The following CDH12 variants were observed in gnomAD, a reference collection of about 807,000 sequenced individuals.
CDH12 encodes cadherin-12.
CDH12 carries 41 observed loss-of-function variants against 74.1 expected under a neutral mutation model. That is an observed-to-expected ratio of 0.55 (90% CI 0.43 to 0.72). The LOEUF is 0.72. Among genes scored for constraint, CDH12 ranks in the 30% least tolerant of loss-of-function variants. The pLI is 0.00. For missense variants in CDH12, 945 were observed against 977.2 expected (o/e 0.97, Z 0.44); for synonymous variants, 399 against 355.0 (o/e 1.12, Z -1.39).
chr5:21,930,324 G>A (rs1319397082), intron 6 of CDH12, among the ~76,000 whole-genome samples: 3 of 152,170 alleles, frequency 2.0e-5, no homozygotes, highest in Non-Finnish European at 4.4e-5. Context: ...GATTGTGGAG[G>A]AAACTTTTCT....
chr5:22,605,938 G>C (rs980276266), intron 1 of CDH12, among the ~76,000 whole-genome samples: 6 of 152,208 alleles, frequency 3.9e-5, no homozygotes, highest in African/African-American at 1.4e-4. Context: ...TGACCTGCAA[G>C]AGCAGCATCT....
rs554492965 is a variant in CDH12 at position 22,191,785 on chromosome 5, C to T, written c.-187+20713G>A. The stretch of plus-strand genomic sequence containing the variant: ...TTCACCGTTTTAGCCGGGATGGTCT[C>T]GATCTCCTGACCTCGTGATCCGCCC... On this transcript the variant is annotated intron_variant, in intron 4 of 14. Transcript: ENST00000382254. Among the ~76,000 whole-genome samples, 3 of 151,804 alleles carry T rather than the reference C, an allele frequency of 2.0e-5. No homozygotes were observed. In the South Asian group the frequency reaches 6.2e-4, roughly 32 times the overall value.
intron 4 of CDH12, among the ~76,000 whole-genome samples, chr5:22,082,987 TA>T (rs2150230074): frequency 6.6e-6 from 1 of 152,364 alleles, no homozygotes; most frequent in African/African-American, 2.4e-5. Context: ...ACTAGATATT[TA>T]TTTAGCAATA....
chr5:22,694,106 T>C (rs1742226570), intron 1 of CDH12, among the ~76,000 whole-genome samples: 1 of 152,048 alleles, frequency 6.6e-6, no homozygotes, highest in African/African-American at 2.4e-5. Context: ...ACCCAGCTAA[T>C]TTTAAATTTT....
At chr5:22,766,398 T>G (rs1746517375) in intron 1 of CDH12, among the ~76,000 whole-genome samples, 1 of 152,068 alleles carries the variant, frequency 6.6e-6, no homozygotes, top group Non-Finnish European at 1.5e-5. Context: ...AATGGAACTG[T>G]GCAGCAGTGA....
chr5:22,467,075 G>A (rs2126597651), intron 2 of CDH12, among the ~76,000 whole-genome samples: 1 of 152,042 alleles, frequency 6.6e-6, no homozygotes, highest in South Asian at 2.1e-4. Flanking sequence ...GTGAGCCACC[G>A]TGCCCGGCCT....
At chr5:22,589,646 C>T (rs1373305438) in intron 1 of CDH12, among the ~76,000 whole-genome samples, 3 of 152,158 alleles carry the variant, frequency 2.0e-5, no homozygotes, top group African/African-American at 4.8e-5. Flanking sequence ...CACTTTTCCT[C>T]GGCTTCTGGA....
chr5:22,251,718 C>CT (rs1442256202), intron 3 of CDH12, among the ~76,000 whole-genome samples: 1 of 152,098 alleles, frequency 6.6e-6, no homozygotes, highest in Non-Finnish European at 1.5e-5. Flanking sequence ...GTCCTAAGTG[C>CT]TCTGAACACA....
chr5:22,245,180 GA>G (rs1752904266), intron 3 of CDH12, among the ~76,000 whole-genome samples: 1 of 152,178 alleles, frequency 6.6e-6, no homozygotes, highest in African/African-American at 2.4e-5. Context: ...TCGAGTGTTT[GA>G]AAAGACGAAG....
At chr5:21,972,819 T>C (rs533500188) in intron 6 of CDH12, among the ~76,000 whole-genome samples, 238 of 152,134 alleles carry the variant, frequency 1.6e-3, no homozygotes, top group Middle Eastern at 0.014. Context: ...AAGTGTATAT[T>C]ATGTAAATTT....
At chr5:22,062,709 T>C (rs976051105) in intron 5 of CDH12, among the ~76,000 whole-genome samples, 2 of 152,174 alleles carry the variant, frequency 1.3e-5, no homozygotes, top group Non-Finnish European at 2.9e-5. Flanking sequence ...GGAGTTTGCA[T>C]GAGGTTCGAA....
intron 7 of CDH12, among the ~76,000 whole-genome samples, chr5:21,847,704 C>T (rs1452155115): frequency 6.6e-6 from 1 of 152,064 alleles, no homozygotes; most frequent in Non-Finnish European, 1.5e-5. Flanking sequence ...TTCTTCTTTG[C>T]CATGTAATAT....
chr5:21,902,861 T>C lies in CDH12; in HGVS notation c.527-48071A>G, dbSNP rs578042966. ...ACAACAGCTAAACATTGGGGAACAC[T>C]TGTATGCTGATTTAAAGATGTTGCA... On this transcript the variant is annotated intron_variant, in intron 6 of 14. Coordinates refer to ENST00000382254, the MANE Select transcript of CDH12 (RefSeq NM_004061.5). Among the ~76,000 whole-genome samples the C allele has an allele frequency of 5.3e-5, 8 of 152,284 alleles. No individual in the cohort carries two copies. The East Asian group carries it at 1.5e-3, about 29-fold the overall frequency.
rs70959727 is a variant in CDH12 at position 22,390,014 on chromosome 5, T to TACACACACACAC, written c.-333+15231_-333+15242dup. On this transcript the variant is annotated intron_variant, in intron 3 of 14. Transcript: ENST00000382254. Reference sequence around the variant, plus strand: ...AGATTTGATGAAAATGTAGTCAGAATACACACACACACACACACACACATG... The same window carrying TACACACACACAC: ...AGATTTGATGAAAATGTAGTCAGAATACACACACACACACACACACACACACACACACACATG... Among the ~76,000 whole-genome samples the TACACACACACAC allele has an allele frequency of 3.3e-3, 497 of 150,104 alleles. 3 individuals carry two copies. The highest frequency in any genetic ancestry group is 6.9e-3 in the African/African-American group (281 of 40,880).
Position 22,203,207 on chromosome 5 carries a change from C to G in CDH12, c.-187+9291G>C, listed in dbSNP as rs1228901771. ...GAATACTAGAACTTATTTCTCCTATCTAACTGTAACTTTGACCAATTTCTT... is the reference window on the plus strand; with the variant it reads ...GAATACTAGAACTTATTTCTCCTATGTAACTGTAACTTTGACCAATTTCTT... On this transcript the variant is annotated intron_variant, in intron 4 of 14. Coordinates refer to ENST00000382254, the MANE Select transcript of CDH12 (RefSeq NM_004061.5). 2.0e-5 allele frequency among the ~76,000 whole-genome samples: 3 copies of G among 152,138 alleles called. No individual in the cohort carries two copies. The East Asian group carries it at 5.8e-4, about 29-fold the overall frequency.
chr5:22,490,201 T>C (rs1746800450), intron 2 of CDH12, among the ~76,000 whole-genome samples: 1 of 152,238 alleles, frequency 6.6e-6, no homozygotes, highest in African/African-American at 2.4e-5. Flanking sequence ...CATATTCTTA[T>C]GTGATATTAC....
chr5:22,189,425 T>C (rs1350809127), intron 4 of CDH12, among the ~76,000 whole-genome samples: 2 of 152,142 alleles, frequency 1.3e-5, no homozygotes, highest in African/African-American at 2.4e-5. Context: ...TCCTATAGAA[T>C]ATGGTCAAAA....
intron 3 of CDH12, among the ~76,000 whole-genome samples, chr5:22,242,472 T>C (rs1192907546): frequency 1.3e-5 from 2 of 152,246 alleles, no homozygotes; most frequent in East Asian, 3.9e-4. Context: ...AACATAGCCT[T>C]GCCAAAAGAA....
At chr5:22,480,031 C>A (rs1746322652) in intron 2 of CDH12, among the ~76,000 whole-genome samples, 1 of 152,084 alleles carries the variant, frequency 6.6e-6, no homozygotes, top group Non-Finnish European at 1.5e-5. Flanking sequence ...TTGTTTCTAT[C>A]AATTTAGAAA....
Sources: allele counts gnomAD v4.1 joint callset (sites outside exome capture counted in the v4.1 genomes callset), GRCh38; gene constraint gnomAD v4.1.1; transcripts MANE v1.5; gene names NCBI Gene and HGNC (gene_info 2026-07-23, HGNC 2026-07-21).